Variants in DHRSX observed in about 807,000 individuals in gnomAD.
DHRSX encodes the protein dehydrogenase/reductase X-linked, also known as polyprenol dehydrogenase.
DHRSX carries 31 observed loss-of-function variants against 34.0 expected under a neutral mutation model. The ratio of observed to expected loss-of-function variants is 0.91; its 90% confidence interval spans 0.69 to 1.23. The LOEUF is 1.23. Ranked by LOEUF, DHRSX falls within the 50% of genes most tolerant of loss-of-function variation. The pLI is 0.00. For missense variants in DHRSX, 414 were observed against 428.1 expected, an observed-to-expected ratio of 0.97 and a Z score of 0.29; for synonymous variants, 201 against 183.8, an observed-to-expected ratio of 1.09 and a Z score of -0.76.
chrX:2,359,834 A>C (rs1441882074), intron 3 of DHRSX, among the ~76,000 whole-genome samples: 1 of 152,128 alleles, frequency 6.6e-6, no homozygotes, highest in East Asian at 1.9e-4. Context: ...AGCAAAACCA[A>C]ATTACTACAT....
At chrX:2,444,430 C>T (rs1452890112) in intron 1 of DHRSX, among the ~76,000 whole-genome samples, 2 of 152,184 alleles carry the variant, frequency 1.3e-5, no homozygotes, top group African/African-American at 4.8e-5. Flanking sequence ...TTATGCCCTC[C>T]ATTAAATCAA....
intron 3 of DHRSX, among the ~76,000 whole-genome samples, chrX:2,399,268 A>G (rs931636321): frequency 1.4e-4 from 21 of 152,104 alleles, no homozygotes; most frequent in African/African-American, 4.8e-4. Flanking sequence ...AAAATTACCA[A>G]CAGGAACGCA....
At chrX:2,304,048 GAT>G (rs2042058891) in intron 3 of DHRSX, among the ~76,000 whole-genome samples, 1 of 131,438 alleles carries the variant, frequency 7.6e-6, no homozygotes, top group African/African-American at 2.6e-5. Context: ...TGGATGGATG[GAT>G]GGATGGATGG....
At chrX:2,259,060 G>C (rs2041318855) in intron 5 of DHRSX, among the ~76,000 whole-genome samples, 1 of 152,106 alleles carries the variant, frequency 6.6e-6, no homozygotes, top group South Asian at 2.1e-4. Flanking sequence ...GGATCACGAG[G>C]TCAGGAGATG....
At position 2,221,025 on chromosome X, in the gene DHRSX, A is replaced by G. The variant is rs766860780; in HGVS notation, c.*16T>C. 4 of 1,612,454 alleles carry G rather than the reference A, an allele frequency of 2.5e-6. No individual in the cohort carries two copies. Among genetic ancestry groups the G allele is most frequent in the Admixed American group, 3.3e-5 (2 of 59,918 alleles). ...CAATGTGTTTCTTGGGGCAGCAGCT[A>G]TCCTGAGACAGGATATCACAGGGTC... On this transcript the variant is annotated 3_prime_UTR_variant, in exon 7 of 7. Transcript: ENST00000334651.
intron 3 of DHRSX, among the ~76,000 whole-genome samples, chrX:2,372,091 G>C (rs1005870097): frequency 6.6e-6 from 1 of 152,130 alleles, no homozygotes; most frequent in Admixed American, 6.5e-5. Context: ...CATCGTCGGA[G>C]AAATTTTCTT....
chrX:2,234,108 C>G (rs1020867719), intron 6 of DHRSX, among the ~76,000 whole-genome samples: 4 of 152,256 alleles, frequency 2.6e-5, no homozygotes, highest in African/African-American at 9.6e-5. Flanking sequence ...ATCATGAGCC[C>G]TGATCCATGC....
intron 3 of DHRSX, among the ~76,000 whole-genome samples, chrX:2,394,495 A>G (rs1433898343): frequency 6.6e-6 from 1 of 152,216 alleles, no homozygotes; most frequent in African/African-American, 2.4e-5. Context: ...CCAGGTGAAG[A>G]TGAGATTACA....
intron 3 of DHRSX, among the ~76,000 whole-genome samples, chrX:2,292,691 C>T (rs1021429509): frequency 6.6e-6 from 1 of 152,148 alleles, no homozygotes; most frequent in African/African-American, 2.4e-5. Context: ...TATTTTGTTA[C>T]AGGGCATATG....
At chrX:2,435,178 G>A (rs2043977263) in intron 1 of DHRSX, among the ~76,000 whole-genome samples, 1 of 152,010 alleles carries the variant, frequency 6.6e-6, no homozygotes, top group Non-Finnish European at 1.5e-5. Context: ...GAAACAGGAG[G>A]GGTTGTTGGT....
At position 2,454,758 on chromosome X, in the gene DHRSX, T is replaced by A. The variant is rs193139861; in HGVS notation, c.110-29454A>T. 3.2e-3 allele frequency among the ~76,000 whole-genome samples: 490 copies of A among 152,198 alleles called. 1 individual carries two copies. The highest frequency in any genetic ancestry group is 0.011 in the African/African-American group (466 of 41,526). The stretch of plus-strand genomic sequence containing the variant: ...TCATCCATACCTCAAAACGACGTCA[T>A]GTAGACTGGATAAAGAAAGGTGGGA... On this transcript the variant is annotated intron_variant, in intron 1 of 6. Transcript: ENST00000334651.
At position 2,432,130 on chromosome X, in the gene DHRSX, C is replaced by G. The variant is rs374505993; in HGVS notation, c.110-6826G>C. Reference sequence around the variant, plus strand: ...GATCGCTTGAACCCGGGAGGTGGAGCTTGCAGTGAGCTGAGATCACGCCAG... The same window carrying G: ...GATCGCTTGAACCCGGGAGGTGGAGGTTGCAGTGAGCTGAGATCACGCCAG... On this transcript the variant is annotated intron_variant, in intron 1 of 6. Coordinates refer to ENST00000334651, the MANE Select transcript of DHRSX (RefSeq NM_145177.3). 2.3e-3 allele frequency among the ~76,000 whole-genome samples: 345 copies of G among 152,008 alleles called. 3 individuals carry two copies. Among genetic ancestry groups the G allele is most frequent in the African/African-American group, 7.8e-3 (323 of 41,462 alleles).
intron 3 of DHRSX, among the ~76,000 whole-genome samples, chrX:2,305,534 T>C (rs1236305256): frequency 6.6e-6 from 1 of 152,074 alleles, no homozygotes; most frequent in African/African-American, 2.4e-5. Context: ...TAAAGACACA[T>C]GCACATGTGT....
At chrX:2,271,122 C>T (rs2041548090) in intron 4 of DHRSX, among the ~76,000 whole-genome samples, 1 of 152,230 alleles carries the variant, frequency 6.6e-6, no homozygotes, top group Admixed American at 6.5e-5. Flanking sequence ...GTCTACACTA[C>T]CTGTATGAGC....
At chrX:2,471,742 T>C (rs2044596452) in intron 1 of DHRSX, among the ~76,000 whole-genome samples, 2 of 152,150 alleles carry the variant, frequency 1.3e-5, no homozygotes, top group African/African-American at 4.8e-5. Context: ...GTAGGAAGCA[T>C]TCAGTGTTTT....
rs752142180 is a variant in DHRSX, at chrX:2,489,073, G to A, written c.109+11744C>T. 2.5e-5 allele frequency: 40 copies of A among 1,613,696 alleles called. No homozygotes were observed. The Admixed American group carries it at 3.0e-4, about 12-fold the overall frequency. ...CGCCGCCTGTCTGGCAGAAGATCTC[G>A]GCCAGCATGTTGTTGATGACGCTGG... On this transcript the variant is annotated intron_variant, in intron 1 of 6. Coordinates refer to ENST00000334651, the MANE Select transcript of DHRSX (RefSeq NM_145177.3).
intron 3 of DHRSX, among the ~76,000 whole-genome samples, chrX:2,394,726 C>T (rs759104614): frequency 2.7e-4 from 41 of 152,158 alleles, no homozygotes; most frequent in Non-Finnish European, 4.4e-4. Flanking sequence ...ATTAGATGGG[C>T]GTGGTGGCAC....
intron 1 of DHRSX, among the ~76,000 whole-genome samples, chrX:2,441,076 C>T (rs190626735): frequency 5.9e-5 from 9 of 152,298 alleles, no homozygotes; most frequent in South Asian, 4.1e-4. Flanking sequence ...AGTTCTGGAA[C>T]ACCACGGCTT....
At chrX:2,261,008 G>A (rs2041356576) in intron 5 of DHRSX, among the ~76,000 whole-genome samples, 1 of 151,962 alleles carries the variant, frequency 6.6e-6, no homozygotes, top group African/African-American at 2.4e-5. Context: ...TCAGGAGTTT[G>A]ATTACAGCCT....
Sources: gnomAD v4.1 joint callset for allele counts (sites outside exome capture counted in the v4.1 genomes callset) on GRCh38, gnomAD v4.1.1 for gene constraint, MANE v1.5 for transcripts, NCBI Gene and HGNC (gene_info 2026-07-23, HGNC 2026-07-21) for gene names.